Variants in TRIOBP observed in about 807,000 individuals in gnomAD.
TRIOBP encodes the protein TRIO and F-actin-binding protein.
In TRIOBP, 169 loss-of-function variants were observed where a neutral mutation model predicts 238.8. The ratio of observed to expected loss-of-function variants is 0.71; its 90% CI spans 0.62 to 0.80. The LOEUF is 0.80. Among genes scored for constraint, TRIOBP ranks in the 30% least tolerant of loss-of-function variants. The probability of loss-of-function intolerance (pLI) is 0.00; values close to 1 mark genes in which losing one functional copy is unlikely to be tolerated. For missense variants in TRIOBP, 2,838 were observed against 3,122.6 expected (o/e 0.91, Z 2.17); for synonymous variants, 1,150 against 1,274.4 (o/e 0.90, Z 2.08).
rs771329109 is a variant in TRIOBP at position 37,734,467 on chromosome 22, G to T, written c.4131G>T (p.Trp1377Cys). The T allele has an allele frequency of 1.4e-5, 23 of 1,612,702 alleles. No individual in the cohort carries two copies. Among genetic ancestry groups the T allele is most frequent in the Non-Finnish European group, 1.9e-5 (22 of 1,179,790 alleles). The change falls in exon 9 of 24, where the codon TGG (tryptophan) becomes TGT (cysteine). Residue 1377 changes from tryptophan (W) to cysteine (C), a missense_variant. This residue lies in a region of TRIOBP where 2,096 missense variants were observed against 2,137.4 expected (regional missense o/e 0.98). Transcript: ENST00000644935. ...GCCAAGCAGAGCCCCCTCATCCTTG[G>T]AGTCCTGAGAAGAGACCTGAGGGAG... ...RRSQAEPPHP[W>C]SPEKRPEGDR...
At chr22:37,733,070 G>A (rs1053331163) in intron 7 of TRIOBP, among the ~76,000 whole-genome samples, 1 of 152,182 alleles carries the variant, frequency 6.6e-6, no homozygotes, top group African/African-American at 2.4e-5. Flanking sequence ...CACTTTTCTC[G>A]TCATGTTCGC....
At chr22:37,751,874 G>C in intron 12 of TRIOBP, 46 bp downstream of exon 12, 1 of 1,610,416 alleles carries the variant, frequency 6.2e-7, no homozygotes, top group African/African-American at 1.3e-5. Context: ...TTGTGCTGCT[G>C]CTGGGCCCCT....
chr22:37,765,710 A>G lies in TRIOBP; in HGVS notation c.6365A>G (p.His2122Arg). The G allele has an allele frequency of 6.4e-7, 1 of 1,556,664 alleles. No individual in the cohort carries two copies. Among genetic ancestry groups the G allele is most frequent in the Non-Finnish European group, 8.7e-7 (1 of 1,151,044 alleles). Residue 2122 changes from histidine to arginine, a missense_variant, in exon 18 of 24, where the codon CAC (histidine) becomes CGC (arginine). His to Arg is a conservative substitution (Grantham distance 29). This residue lies in a region of TRIOBP where 2,096 missense variants were observed against 2,137.4 expected (regional missense o/e 0.98). Coordinates refer to ENST00000644935, the MANE Select transcript of TRIOBP (RefSeq NM_001039141.3). ...ERSLAEMESS[H>R]QQVMEELQRH... is the part of the protein sequence containing the mutation. ...AGCCTGGCAGAGATGGAGTCCTCGC[A>G]CCAGCAGGTGATGGAGGAGCTGCAG...
intron 18 of TRIOBP, among the ~76,000 whole-genome samples, chr22:37,766,858 G>T (rs1180968847): frequency 6.6e-6 from 1 of 152,050 alleles, no homozygotes; most frequent in Non-Finnish European, 1.5e-5. Context: ...CTACTCAGGA[G>T]GCTAAGGCAG....
chr22:37,721,537 G>A (rs1244046870), intron 6 of TRIOBP, among the ~76,000 whole-genome samples: 1 of 152,138 alleles, frequency 6.6e-6, no homozygotes, highest in Non-Finnish European at 1.5e-5. Context: ...GAGGGCAATG[G>A]CACATTCTTG....
In TRIOBP at chr22:37,769,153, A is replaced by G; in HGVS notation, c.6701A>G (p.Gln2234Arg). The stretch of plus-strand genomic sequence containing the variant: ...CGCGAGCACACGCTGCGCCGCTGCC[A>G]GCAGGAGGGCCAGGAGCTGCTGCGC... ...EEREHTLRRC[Q>R]QEGQELLRHN... The change falls in exon 20 of 24, where the codon CAG becomes CGG. Residue 2234 changes from glutamine (Q) to arginine (R), a missense_variant. Transcript: ENST00000644935. The G allele has an allele frequency of 6.2e-7, 1 of 1,611,832 alleles. No individual in the cohort carries two copies. The highest frequency in any genetic ancestry group is 1.1e-5 in the South Asian group (1 of 90,922).
intron 7 of TRIOBP, among the ~76,000 whole-genome samples, chr22:37,730,843 A>C (rs1192147556): frequency 6.6e-6 from 1 of 151,656 alleles, no homozygotes; most frequent in East Asian, 1.9e-4. Flanking sequence ...GCTGCTCAGC[A>C]GGCTGAGGCA....
In TRIOBP at chr22:37,711,822, TATC is replaced by T. The variant is rs376129857; in HGVS notation, c.254+1260_254+1262del. The stretch of plus-strand genomic sequence containing the variant: ...GCTCTTTTTTATGGCCATCACTTAT[TATC>T]ATCGTGTAGGCCAGTCTGTGGGTCA... On this transcript the variant is annotated intron_variant, in intron 4 of 23. Coordinates refer to ENST00000644935, the MANE Select transcript of TRIOBP (RefSeq NM_001039141.3). 4.1e-4 allele frequency among the ~76,000 whole-genome samples: 63 copies of T among 152,252 alleles called. No homozygotes were observed. The East Asian group carries it at 7.1e-3, about 17-fold the overall frequency.
In TRIOBP at chr22:37,724,742, A is replaced by G. The variant is rs1357854061; in HGVS notation, c.2186A>G (p.Asn729Ser). Residue 729 changes from asparagine to serine, a missense_variant, in exon 7 of 24, where the codon AAT (asparagine) becomes AGT (serine). By Grantham distance (46) the Asn-to-Ser change is conservative. Around this residue, in one of 5 missense-constraint regions of TRIOBP, gnomAD observed 167 missense variants for 200.2 expected, o/e 0.83. Coordinates refer to ENST00000644935, the MANE Select transcript of TRIOBP (RefSeq NM_001039141.3). ...AGAACATCCTGTGCCCGACGGGACA[A>G]TCCCAGAGCCTCCTCTCGCAACAGA... Reference protein sequence around the residue: ...NPRTSCARRDNPRASSRNRTI... With the variant: ...NPRTSCARRDSPRASSRNRTI... The G allele has an allele frequency of 6.2e-6, 10 of 1,610,986 alleles. No individual in the cohort carries two copies. Among genetic ancestry groups the G allele is most frequent in the Non-Finnish European group, 8.5e-6 (10 of 1,179,274 alleles).
chr22:37,713,304 G>A lies in TRIOBP; in HGVS notation c.349G>A (p.Gly117Ser). ...RELEAVPYLE[G>S]LTTSLCGSCN... is the part of the protein sequence containing the mutation. ...GCTTGAGGCAGTACCCTATCTGGAG[G>A]GCCTGACCACTTCCTTGTGTGGCAG... is the stretch of plus-strand genomic sequence containing the variant. The change falls in exon 5 of 24, where the codon GGC becomes AGC. Residue 117 changes from glycine (G) to serine (S), a missense_variant. Transcript: ENST00000644935. 1 of 1,614,002 alleles carries A rather than the reference G, an allele frequency of 6.2e-7. No homozygotes were observed. Among genetic ancestry groups the A allele is most frequent in the Non-Finnish European group, 8.5e-7 (1 of 1,179,916 alleles).
rs768305451 is a variant in TRIOBP, at chr22:37,723,209, C to T, written c.653C>T (p.Ala218Val). ...KEDTGGGGRS[A>V]GQHWARLRGE... ...GACACCGGCGGTGGGGGCCGGAGCG[C>T]AGGACAGCACTGGGCAAGGCTCCGG... The change falls in exon 7 of 24, where the codon GCA becomes GTA. Residue 218 changes from alanine (A) to valine (V), a missense_variant. Ala to Val is a moderately conservative substitution (Grantham distance 64, BLOSUM62 0). Transcript: ENST00000644935. 4.2e-5 allele frequency: 68 copies of T among 1,613,702 alleles called. 1 individual carries two copies. The African/African-American group carries it at 5.5e-4, about 13-fold the overall frequency.
chr22:37,698,086 G>A (rs946992718), intron 2 of TRIOBP, among the ~76,000 whole-genome samples: 1 of 150,864 alleles, frequency 6.6e-6, no homozygotes, highest in South Asian at 2.1e-4. Context: ...TGTAATCCCA[G>A]CTATTTGGGA....
At position 37,743,801 on chromosome 22, in the gene TRIOBP, ATGTGTGTGTGTGTGTGTGTGTGTG is replaced by A. The variant is rs71195050; in HGVS notation, c.5322+2790_5322+2813del. Among the ~76,000 whole-genome samples the A allele has an allele frequency of 9.2e-3, 1,054 of 114,178 alleles. 13 individuals are homozygous for A. The highest frequency in any genetic ancestry group is 0.013 in the Non-Finnish European group (744 of 56,092). 74.9% of individuals were successfully genotyped at this position (114,178 alleles called of 152,430 possible). ...GGGGAAGGGGAGAAAGAGAGAGAGA[ATGTGTGTGTGTGTGTGTGTGTGTG>A]TGTGTGTGTGTGTGTGTGTGCTGGG... On this transcript the variant is annotated intron_variant, in intron 11 of 23. Coordinates refer to ENST00000644935, the MANE Select transcript of TRIOBP (RefSeq NM_001039141.3).
chr22:37,755,189 A>T lies in TRIOBP; in HGVS notation c.5576A>T (p.His1859Leu). 2 of 1,611,098 alleles carry T rather than the reference A, an allele frequency of 1.2e-6. No individual in the cohort carries two copies. Among genetic ancestry groups the T allele is most frequent in the Non-Finnish European group, 1.7e-6 (2 of 1,178,690 alleles). ...AVQRNYGFQIHTKDAVYTLSA... is the reference protein window; with the variant it reads ...AVQRNYGFQILTKDAVYTLSA... ...CAGCGCAACTATGGCTTCCAGATCCACGTGAGGCTGTGTGCAGCTTGGGGG... is the reference window on the plus strand; with the variant it reads ...CAGCGCAACTATGGCTTCCAGATCCTCGTGAGGCTGTGTGCAGCTTGGGGG... Residue 1859 changes from histidine to leucine, a missense_variant and splice_region_variant, in exon 14 of 24, where the codon CAC becomes CTC. Around this residue, in one of 5 missense-constraint regions of TRIOBP, gnomAD observed 2,096 missense variants for 2,137.4 expected, o/e 0.98. Coordinates refer to ENST00000644935, the MANE Select transcript of TRIOBP (RefSeq NM_001039141.3).
chr22:37,759,856 G>A (rs572103820), intron 17 of TRIOBP: 30 of 950,174 alleles, frequency 3.2e-5, no homozygotes, highest in South Asian at 1.0e-4. Context: ...TAGAAAAAAC[G>A]TGTGTGTGTA....
At chr22:37,706,657 G>A (rs1347328373) in intron 3 of TRIOBP, among the ~76,000 whole-genome samples, 2 of 152,004 alleles carry the variant, frequency 1.3e-5, no homozygotes, top group African/African-American at 2.4e-5. Context: ...GTGTAGTGGT[G>A]CATGCCTGCA....
intron 17 of TRIOBP, among the ~76,000 whole-genome samples, chr22:37,761,290 A>G (rs557597625): frequency 6.6e-6 from 1 of 151,916 alleles, no homozygotes; most frequent in Non-Finnish European, 1.5e-5. Flanking sequence ...CTACTAAAAA[A>G]AAAAAATACA....
At position 37,705,552 on chromosome 22, in the gene TRIOBP, A is replaced by G. The variant is rs1226475600; in HGVS notation, c.114+4073A>G. ...GGCTTTGTGGACATGTTGAGGACTTAGGATTCTGAGGTTTTTTTCTGTTTT... is the reference window on the plus strand; with the variant it reads ...GGCTTTGTGGACATGTTGAGGACTTGGGATTCTGAGGTTTTTTTCTGTTTT... On this transcript the variant is annotated intron_variant, in intron 3 of 23. Coordinates refer to ENST00000644935, the MANE Select transcript of TRIOBP (RefSeq NM_001039141.3). Among the ~76,000 whole-genome samples the G allele has an allele frequency of 2.0e-5, 3 of 151,776 alleles. No individual in the cohort carries two copies. The East Asian group carries it at 5.8e-4, about 29-fold the overall frequency.
Position 37,723,479 on chromosome 22 carries a change from A to G in TRIOBP, c.923A>G (p.Glu308Gly). ...EISRASSTQQ[E>G]TSRASSTQED... ...TCCAGGGCCTCATCCACCCAACAGGAAACCTCCAGGGCCTCATCCACCCAA... is the reference window on the plus strand; with the variant it reads ...TCCAGGGCCTCATCCACCCAACAGGGAACCTCCAGGGCCTCATCCACCCAA... Residue 308 changes from glutamate to glycine, a missense_variant, in exon 7 of 24, where the codon GAA becomes GGA. Transcript: ENST00000644935. The G allele has an allele frequency of 6.2e-7, 1 of 1,613,218 alleles. No homozygotes were observed. Among genetic ancestry groups the G allele is most frequent in the South Asian group, 1.1e-5 (1 of 91,058 alleles).
Sources: allele counts gnomAD v4.1 joint callset (sites outside exome capture counted in the v4.1 genomes callset), GRCh38; gene constraint gnomAD v4.1.1; regional missense constraint gnomAD v4.1.1; transcripts MANE v1.5; gene names NCBI Gene and HGNC (gene_info 2026-07-23, HGNC 2026-07-21).